The following EIF2B3 variants were observed in gnomAD, a reference collection of about 807,000 sequenced individuals.
EIF2B3 encodes eukaryotic translation initiation factor 2B subunit gamma.
A neutral mutation model predicts 54.1 loss-of-function variants in EIF2B3; 20 were observed. The ratio of observed to expected loss-of-function variants is 0.37; its 90% CI spans 0.26 to 0.54. The LOEUF (loss-of-function observed/expected upper bound fraction) is 0.54, where lower values mean the gene tolerates loss of function less well. EIF2B3 is among the 20% of genes least tolerant of loss of function. EIF2B3 has a pLI of 0.86. For missense variants in EIF2B3, 448 were observed against 547.8 expected, an observed-to-expected ratio of 0.82 and a Z score of 1.82; for synonymous variants, 153 against 188.1, an observed-to-expected ratio of 0.81 and a Z score of 1.52.
Position 44,928,120 on chromosome 1 carries a change from C to T in EIF2B3, c.455-1381G>A, listed in dbSNP as rs372755791. Among the ~76,000 whole-genome samples the T allele has an allele frequency of 1.8e-4, 27 of 152,102 alleles. No individual in the cohort carries two copies. In the East Asian group the frequency reaches 4.4e-3, roughly 25 times the overall value. On this transcript the variant is annotated intron_variant, in intron 4 of 11. Coordinates refer to ENST00000360403, the MANE Select transcript of EIF2B3 (RefSeq NM_020365.5). ...TGAGCCATGACTGCTGTACTGCACT[C>T]CAGCTCGGGTGACAGACCAAGACCT... is the stretch of plus-strand genomic sequence containing the variant.
chr1:44,975,900 T>C (rs1293056114), intron 3 of EIF2B3, among the ~76,000 whole-genome samples: 2 of 151,992 alleles, frequency 1.3e-5, no homozygotes, highest in African/African-American at 4.8e-5. Context: ...ACCTGAGAGG[T>C]GGAGGCTGCA....
At chr1:44,871,874 CTT>C (rs71040515) in intron 10 of EIF2B3, among the ~76,000 whole-genome samples, 34 of 118,834 alleles carry the variant, frequency 2.9e-4, no homozygotes, top group East Asian at 2.5e-4. Context: ...ACTTCACAAT[CTT>C]TTTTTTTTTT....
intron 5 of EIF2B3, among the ~76,000 whole-genome samples, chr1:44,910,580 G>A (rs573335575): frequency 7.5e-5 from 11 of 146,872 alleles, no homozygotes; most frequent in African/African-American, 2.2e-4. Context: ...TCTAACAGGT[G>A]TCTTTGAAAT....
intron 6 of EIF2B3, among the ~76,000 whole-genome samples, chr1:44,883,302 A>G (rs1655473052): frequency 6.6e-6 from 1 of 152,094 alleles, no homozygotes; most frequent in Non-Finnish European, 1.5e-5. Context: ...CTGCCTTTAT[A>G]AAACTAATAA....
rs1287445075 is a variant in EIF2B3, at chr1:44,917,845, C to T, written c.566+8783G>A. On this transcript the variant is annotated intron_variant, in intron 5 of 11. Transcript: ENST00000360403. ...CTGGAGTTCAGTGGTGCGATCTCGGCTCACTGCAAGCTCCGCCTCCCGGGT... is the reference window on the plus strand; with the variant it reads ...CTGGAGTTCAGTGGTGCGATCTCGGTTCACTGCAAGCTCCGCCTCCCGGGT... Among the ~76,000 whole-genome samples the T allele has an allele frequency of 1.8e-4, 24 of 133,842 alleles. No individual in the cohort carries two copies. The South Asian group carries it at 2.4e-3, about 13-fold the overall frequency. 87.8% of individuals were successfully genotyped at this position (133,842 alleles called of 152,430 possible).
At chr1:44,966,883 G>A (rs1038419959) in intron 3 of EIF2B3, among the ~76,000 whole-genome samples, 8 of 151,982 alleles carry the variant, frequency 5.3e-5, no homozygotes, top group African/African-American at 1.2e-4. Flanking sequence ...GTGCAATGGC[G>A]CGACCTCAGC....
intron 5 of EIF2B3, among the ~76,000 whole-genome samples, chr1:44,902,774 G>A (rs889695743): frequency 7.5e-6 from 1 of 133,706 alleles, no homozygotes; most frequent in Non-Finnish European, 1.5e-5. Context: ...GCTGCTGCGA[G>A]CCATGAACGT....
Position 44,858,070 on chromosome 1 carries a change from C to CTTTT in EIF2B3, c.1203-267_1203-264dup, listed in dbSNP as rs3044232. Reference sequence around the variant, plus strand: ...AGATATTCTGACTTCACTTCAGTTCCTTTTTTTTTTTTTTTTTTTGAGACA... The same window carrying CTTTT: ...AGATATTCTGACTTCACTTCAGTTCCTTTTTTTTTTTTTTTTTTTTTTTGAGACA... On this transcript the variant is annotated intron_variant, in intron 10 of 11. Transcript: ENST00000360403. 3.1e-4 allele frequency among the ~76,000 whole-genome samples: 39 copies of CTTTT among 127,396 alleles called. 1 individual carries two copies. The highest frequency in any genetic ancestry group is 1.3e-3 in the South Asian group (5 of 3,958). The allele number at this position is 127,396 out of a possible 152,430, so 83.6% of individuals were successfully genotyped here.
At chr1:44,898,448 T>C (rs954608610) in intron 5 of EIF2B3, among the ~76,000 whole-genome samples, 3 of 152,208 alleles carry the variant, frequency 2.0e-5, no homozygotes, top group Admixed American at 6.5e-5. Context: ...ACAGAGTAAA[T>C]GTCCAATAAA....
At chr1:44,939,505 A>G (rs1569787088) in intron 4 of EIF2B3, among the ~76,000 whole-genome samples, 1 of 152,202 alleles carries the variant, frequency 6.6e-6, no homozygotes, top group Non-Finnish European at 1.5e-5. Context: ...AATTGCTAAG[A>G]GAGTAAATTT....
chr1:44,968,144 A>G (rs1361423270), intron 3 of EIF2B3, among the ~76,000 whole-genome samples: 1 of 152,074 alleles, frequency 6.6e-6, no homozygotes, highest in Non-Finnish European at 1.5e-5. Flanking sequence ...CAGGCAGATC[A>G]TTTGAGTCCA....
At chr1:44,929,737 C>T (rs779503162) in intron 4 of EIF2B3, among the ~76,000 whole-genome samples, 2 of 152,198 alleles carry the variant, frequency 1.3e-5, no homozygotes, top group African/African-American at 2.4e-5. Context: ...TCCTAAGGCT[C>T]ACAGAAACCT....
intron 10 of EIF2B3, among the ~76,000 whole-genome samples, chr1:44,863,591 A>T (rs1042520404): frequency 3.3e-5 from 5 of 152,162 alleles, no homozygotes; most frequent in African/African-American, 1.2e-4. Flanking sequence ...AGAGAATAAT[A>T]TAAAGAACGC....
At position 44,963,245 on chromosome 1, in the gene EIF2B3, C is replaced by CA. The variant is rs199647720; in HGVS notation, c.294+15069dup. On this transcript the variant is annotated intron_variant, in intron 3 of 11. Transcript: ENST00000360403. Reference sequence around the variant, plus strand: ...AAAAACAAAAACAAAAAAAACAAAACAAAAAAAAACCCCAGAAAACCAGGG... The same window carrying CA: ...AAAAACAAAAACAAAAAAAACAAAACAAAAAAAAAACCCCAGAAAACCAGGG... Among the ~76,000 whole-genome samples, 201 of 147,742 alleles carry CA rather than the reference C, an allele frequency of 1.4e-3. 2 individuals are homozygous for CA. The East Asian group carries it at 0.034, about 25-fold the overall frequency.
At chr1:44,862,056 A>G (rs533117645) in intron 10 of EIF2B3, among the ~76,000 whole-genome samples, 1 of 152,106 alleles carries the variant, frequency 6.6e-6, no homozygotes, top group African/African-American at 2.4e-5. Context: ...TATCAAACAA[A>G]CCCTCTCTAG....
intron 5 of EIF2B3, among the ~76,000 whole-genome samples, chr1:44,908,788 G>A (rs534013254): frequency 2.0e-4 from 30 of 152,290 alleles, no homozygotes; most frequent in Middle Eastern, 6.8e-3. Context: ...CAGAAGAAAG[G>A]GGGTAAAAGG....
chr1:44,939,463 A>T (rs1643996741), intron 4 of EIF2B3, among the ~76,000 whole-genome samples: 1 of 152,254 alleles, frequency 6.6e-6, no homozygotes, highest in Admixed American at 6.5e-5. Flanking sequence ...TTATGTTGTA[A>T]ATATAGTTAA....
At chr1:44,953,090 G>A (rs115047903) in intron 3 of EIF2B3, among the ~76,000 whole-genome samples, 1,593 of 148,018 alleles carry the variant, frequency 0.011, 31 homozygotes, top group African/African-American at 0.038. Context: ...GATCACTCCC[G>A]TCAGTATAGA....
At position 44,901,550 on chromosome 1, in the gene EIF2B3, C is replaced by CTTT. The variant is rs36059931; in HGVS notation, c.567-4109_567-4107dup. On this transcript the variant is annotated intron_variant, in intron 5 of 11. Transcript: ENST00000360403. ...ACAGGCATGAGCCACTGGGCCTGGC[C>CTTT]TTTTTTTTTTTTTTTTTTTTTTTCT... Among the ~76,000 whole-genome samples, 104 of 111,570 alleles carry CTTT rather than the reference C, an allele frequency of 9.3e-4. 2 individuals are homozygous for CTTT. The East Asian group carries it at 0.016, about 17-fold the overall frequency. The allele number at this position is 111,570 out of a possible 152,430, so 73.2% of individuals were successfully genotyped here. A position where few individuals can be genotyped will look rare whatever the true frequency, so the allele number is the denominator to read the frequency against.
Sources: allele counts gnomAD v4.1 joint callset (sites outside exome capture counted in the v4.1 genomes callset), GRCh38; gene constraint gnomAD v4.1.1; transcripts MANE v1.5; gene names NCBI Gene and HGNC (gene_info 2026-07-23, HGNC 2026-07-21).